SLC39A10: variants seen among roughly 807,000 people sequenced by gnomAD.
SLC39A10 encodes zinc transporter ZIP10.
A neutral mutation model predicts 65.1 loss-of-function variants in SLC39A10; 13 were observed. The observed-to-expected ratio is 0.20, with a 90% confidence interval of 0.13 to 0.32. The LOEUF (loss-of-function observed/expected upper bound fraction) is 0.32. Ranked by LOEUF, SLC39A10 falls within the 10% of genes least tolerant of loss-of-function variation. The pLI is 1.00. For missense variants in SLC39A10, 831 were observed against 1,018.4 expected, an observed-to-expected ratio of 0.82 and a Z score of 2.50; for synonymous variants, 321 against 342.2, an observed-to-expected ratio of 0.94 and a Z score of 0.68.
At chr2:195,710,575 C>T (rs1574299472) in intron 5 of SLC39A10, among the ~76,000 whole-genome samples, 2 of 152,140 alleles carry the variant, frequency 1.3e-5, no homozygotes, top group Non-Finnish European at 2.9e-5. Flanking sequence ...ATTTGTGTGA[C>T]TATGACTCAC....
intron 1 of SLC39A10, among the ~76,000 whole-genome samples, chr2:195,671,893 A>G (rs993245834): frequency 7.2e-5 from 11 of 151,968 alleles, no homozygotes; most frequent in South Asian, 6.2e-4. Flanking sequence ...TGGAATATCA[A>G]CTATGTAAGA....
chr2:195,667,671 T>C (rs781497204), intron 1 of SLC39A10, among the ~76,000 whole-genome samples: 1 of 152,226 alleles, frequency 6.6e-6, no homozygotes, highest in Non-Finnish European at 1.5e-5. Context: ...CAGTTTCGTA[T>C]ACATTGGTTT....
chr2:195,617,610 C>T (rs1227007813), intron 2 of SLC39A10, among the ~76,000 whole-genome samples: 1 of 152,054 alleles, frequency 6.6e-6, no homozygotes, highest in African/African-American at 2.4e-5. Context: ...GTGGCTCACG[C>T]CTGTAAGTCG....
In SLC39A10 at chr2:195,734,905, A is replaced by G. The variant is rs565664518; in HGVS notation, c.2360A>G (p.Asp787Gly). The change falls in exon 10 of 10, where the codon GAT becomes GGT. Residue 787 changes from aspartate to glycine, a missense_variant. By Grantham distance (94) the Asp-to-Gly change is moderately conservative. Transcript: ENST00000359634. ...VDMLPEMLHG[D>G]GDNEEHGFCP... ...TAGCTTCCAGAAATGTTGCATGGTG[A>G]TGGTGACAATGAAGAACATGGCTTT... 1 of 1,608,152 alleles carries G rather than the reference A, an allele frequency of 6.2e-7. No individual in the cohort carries two copies. Among genetic ancestry groups the G allele is most frequent in the Non-Finnish European group, 8.5e-7 (1 of 1,177,836 alleles).
At chr2:195,650,652 C>G (rs779325798) in intron 2 of SLC39A10, among the ~76,000 whole-genome samples, 11 of 151,850 alleles carry the variant, frequency 7.2e-5, no homozygotes, top group Admixed American at 4.6e-4. Context: ...AATTTTTCTC[C>G]CCTGGGTGAG....
intron 2 of SLC39A10, among the ~76,000 whole-genome samples, chr2:195,619,456 G>A (rs1376086182): frequency 1.3e-5 from 2 of 152,316 alleles, no homozygotes; most frequent in Non-Finnish European, 2.9e-5. Context: ...AAAAGAATGA[G>A]TGTGGTTTTC....
chr2:195,657,747 T>G (rs1397625317), intron 1 of SLC39A10: 1 of 565,870 alleles, frequency 1.8e-6, no homozygotes. Context: ...TGTAGGCAGG[T>G]CTTCGGGGGC....
intron 2 of SLC39A10, among the ~76,000 whole-genome samples, chr2:195,647,623 C>G (rs1398560114): frequency 6.6e-6 from 1 of 151,786 alleles, no homozygotes; most frequent in African/African-American, 2.4e-5. Flanking sequence ...CCTTTGCTAC[C>G]GTTGCAAGCT....
chr2:195,637,661 C>T (rs561599975), intron 2 of SLC39A10, among the ~76,000 whole-genome samples: 2 of 152,118 alleles, frequency 1.3e-5, no homozygotes, highest in African/African-American at 4.8e-5. Context: ...CATTCTTAAC[C>T]ATAATTGAGG....
In SLC39A10 at chr2:195,621,482, A is replaced by G. The variant is rs116255514; in HGVS notation, c.-12+15249A>G. Among the ~76,000 whole-genome samples, 526 of 152,332 alleles carry G rather than the reference A, an allele frequency of 3.5e-3. 2 individuals carry two copies. The highest frequency in any genetic ancestry group is 0.012 in the African/African-American group (506 of 41,578). ...GTTTTCTTGGTACTGAATTCAGCGTAGGGGCAAGGACTGTTTTTATCTTTG... is the reference window on the plus strand; with the variant it reads ...GTTTTCTTGGTACTGAATTCAGCGTGGGGGCAAGGACTGTTTTTATCTTTG... On this transcript the variant is annotated intron_variant, in intron 2 of 2. Transcript: ENST00000458054.
intron 1 of SLC39A10, chr2:195,657,694 G>A (rs1422818383): frequency 1.1e-6 from 1 of 946,320 alleles, no homozygotes; most frequent in Non-Finnish European, 1.3e-6. Flanking sequence ...CGCGCCGGCC[G>A]CGGATGGCGT....
chr2:195,634,840 G>A (rs539787524), intron 2 of SLC39A10, among the ~76,000 whole-genome samples: 4 of 152,210 alleles, frequency 2.6e-5, no homozygotes, highest in Non-Finnish European at 4.4e-5. Context: ...TTGAAGTCAG[G>A]AGTTCAAGAC....
intron 3 of SLC39A10, among the ~76,000 whole-genome samples, chr2:195,701,790 T>C (rs1691205085): frequency 6.6e-6 from 1 of 152,078 alleles, no homozygotes; most frequent in South Asian, 2.1e-4. Flanking sequence ...CAGGTGATCC[T>C]CCCGCCTCAG....
chr2:195,705,245 T>C (rs1370986287), intron 3 of SLC39A10, among the ~76,000 whole-genome samples: 1 of 152,236 alleles, frequency 6.6e-6, no homozygotes, highest in Non-Finnish European at 1.5e-5. Flanking sequence ...ATCTAGTGGG[T>C]AGATCCTCAG....
chr2:195,663,445 A>G (rs528861876), intron 1 of SLC39A10, among the ~76,000 whole-genome samples: 2 of 152,310 alleles, frequency 1.3e-5, no homozygotes, highest in South Asian at 4.1e-4. Flanking sequence ...ATCAATATAA[A>G]TGAAACAATA....
At chr2:195,684,570 T>C (rs116362182) in intron 3 of SLC39A10, among the ~76,000 whole-genome samples, 2,550 of 152,228 alleles carry the variant, frequency 0.017, 67 homozygotes, top group African/African-American at 0.058. Context: ...ATATCATTAA[T>C]TTCATTCTTT....
chr2:195,654,601 G>A (rs76222602), upstream of SLC39A10, among the ~76,000 whole-genome samples: 146 of 152,182 alleles, frequency 9.6e-4, 3 homozygotes, highest in East Asian at 0.023. Context: ...CTTTCCCCCA[G>A]GTACTGAAAA....
intron 6 of SLC39A10, among the ~76,000 whole-genome samples, chr2:195,713,966 G>A (rs569484072): frequency 4.8e-4 from 72 of 151,138 alleles, no homozygotes; most frequent in Non-Finnish European, 8.7e-4. Context: ...TCACTCTGTC[G>A]CCCAGGCTGG....
In SLC39A10 at chr2:195,728,032, A is replaced by G. The variant is rs888327684; in HGVS notation, c.2147-127A>G. 4.9e-6 allele frequency: 4 copies of G among 812,278 alleles called. No individual in the cohort carries two copies. The highest frequency in any genetic ancestry group is 7.5e-6 in the Non-Finnish European group (4 of 535,398). 50.3% of individuals were successfully genotyped at this position (812,278 alleles called of 1,614,324 possible). On this transcript the variant is annotated intron_variant, in intron 8 of 9. Coordinates refer to ENST00000359634, the MANE Select transcript of SLC39A10 (RefSeq NM_020342.3). The surrounding 1 kb of genome is among the most constrained non-coding windows in gnomAD (Gnocchi z 4.4). ...TGGTTTAATAAGTAAAATATTTTATATATCACATAAAATACTGTTATTAAA... is the reference window on the plus strand; with the variant it reads ...TGGTTTAATAAGTAAAATATTTTATGTATCACATAAAATACTGTTATTAAA...
Sources: gnomAD v4.1 joint callset for allele counts (sites outside exome capture counted in the v4.1 genomes callset) on GRCh38, gnomAD v4.1.1 for gene constraint, Gnocchi (gnomAD v3.1) non-coding constraint, MANE v1.5 for transcripts, NCBI Gene and HGNC (gene_info 2026-07-23, HGNC 2026-07-21) for gene names.